Variants in C4orf36 observed in about 807,000 individuals in gnomAD.
C4orf36 encodes uncharacterized protein C4orf36.
A neutral mutation model predicts 12.2 loss-of-function variants in C4orf36; 11 were observed. The ratio of observed to expected loss-of-function variants is 0.90; its 90% CI spans 0.57 to 1.49. The LOEUF is 1.49. Among genes scored for constraint, C4orf36 ranks in the 40% most tolerant of loss-of-function variants. The pLI is 0.00. For missense variants in C4orf36, 137 were observed against 133.9 expected, an observed-to-expected ratio of 1.02 and a Z score of -0.11; for synonymous variants, 54 against 51.3, an observed-to-expected ratio of 1.05 and a Z score of -0.22.
the C4orf36 span, chr4:86,932,130 T>G: frequency 6.6e-6 from 1 of 151,696 alleles, no homozygotes; most frequent in African/African-American, 2.4e-5. Flanking sequence ...GCAGATAACC[T>G]GAGGTCCGGA....
upstream of C4orf36, among the ~76,000 whole-genome samples, chr4:86,895,095 T>A (rs1747560314): frequency 6.6e-6 from 1 of 152,170 alleles, no homozygotes; most frequent in African/African-American, 2.4e-5. Context: ...GAGGATCACT[T>A]GAGCCTGGGA....
the C4orf36 span, among the ~76,000 whole-genome samples, chr4:86,902,418 C>CAAAAAAAAAAAAAAAAAAAAAAAAAA: frequency 1.7e-5 from 1 of 58,958 alleles, no homozygotes; most frequent in Non-Finnish European, 2.8e-5. Context: ...ATGAGACTCT[C>CAAAAAAAAAAAAAAAAAAAAAAAAAA]AAAAAAAAAA....
At chr4:86,896,813 A>G (rs1183691375), upstream of C4orf36, among the ~76,000 whole-genome samples, 2 of 152,206 alleles carry the variant, frequency 1.3e-5, no homozygotes, top group East Asian at 3.8e-4. Flanking sequence ...AAATTTCAAC[A>G]TAACCAAAAT....
chr4:86,877,043 A>G (rs1374934), intron 4 of C4orf36, among the ~76,000 whole-genome samples: 139,237 of 152,234 alleles, frequency 0.91, 64,672 homozygotes, highest in Non-Finnish European at 1. Context: ...TAGTGACAGT[A>G]ACCCTAAAAA....
chr4:86,903,587 G>A, the C4orf36 span, among the ~76,000 whole-genome samples: 1,210 of 152,300 alleles, frequency 7.9e-3, 9 homozygotes, highest in Non-Finnish European at 0.013. Context: ...AGGTGGCGCA[G>A]GCCCAAAGAG....
intron 3 of C4orf36, 90 bp from the exon 4 acceptor site, chr4:86,887,983 A>G (rs1378356546): frequency 1.9e-6 from 3 of 1,556,726 alleles, no homozygotes; most frequent in Non-Finnish European, 2.6e-6. Context: ...CAAAATCCAT[A>G]TGCCTGAATA....
At chr4:86,902,734 C>T in the C4orf36 span, among the ~76,000 whole-genome samples, 3 of 152,304 alleles carry the variant, frequency 2.0e-5, no homozygotes, top group African/African-American at 7.2e-5. Context: ...GCTTCTGACA[C>T]CTGTGCTGAC....
chr4:86,876,751 G>A (rs1578771769), intron 4 of C4orf36: 1 of 1,480,680 alleles, frequency 6.8e-7, no homozygotes, highest in Non-Finnish European at 9.0e-7. Flanking sequence ...TTGCATCCAA[G>A]TAAAATTAAA....
At chr4:86,896,865 C>G (rs1747602350), upstream of C4orf36, among the ~76,000 whole-genome samples, 1 of 152,172 alleles carries the variant, frequency 6.6e-6, no homozygotes, top group Admixed American at 6.5e-5. Context: ...CTCTGTCTAT[C>G]TTTTCTATTT....
the C4orf36 span, among the ~76,000 whole-genome samples, chr4:86,909,282 C>G: frequency 1.3e-5 from 2 of 152,188 alleles, no homozygotes; most frequent in Non-Finnish European, 2.9e-5. Context: ...CAACACTTGG[C>G]TGAAGGTGTC....
intron 4 of C4orf36, among the ~76,000 whole-genome samples, chr4:86,877,395 GA>G (rs1172164924): frequency 6.6e-6 from 1 of 152,226 alleles, no homozygotes; most frequent in Non-Finnish European, 1.5e-5. Flanking sequence ...AGAAAGAGTA[GA>G]GTGGGTAATC....
intron 4 of C4orf36, 176 bp from the exon 5 acceptor site, chr4:86,876,619 T>G: frequency 1.2e-6 from 2 of 1,613,870 alleles, no homozygotes; most frequent in South Asian, 1.1e-5. Flanking sequence ...AGTTCTTCAA[T>G]GAACCAGAAG....
the C4orf36 span, among the ~76,000 whole-genome samples, chr4:86,902,455 GA>G: frequency 1.5e-5 from 2 of 129,844 alleles, no homozygotes; most frequent in South Asian, 2.5e-4. Context: ...AAGAAAGAAA[GA>G]AAAAAAAGGG....
chr4:86,880,579 T>G (rs1403161358), intron 4 of C4orf36, among the ~76,000 whole-genome samples: 4 of 152,020 alleles, frequency 2.6e-5, no homozygotes, highest in African/African-American at 9.7e-5. Context: ...AAAAAGAAAT[T>G]AAAACTTTCC....
the C4orf36 span, among the ~76,000 whole-genome samples, chr4:86,903,951 GAC>G: frequency 6.6e-6 from 1 of 152,160 alleles, no homozygotes; most frequent in East Asian, 1.9e-4. Flanking sequence ...CCTTTAGCTA[GAC>G]ACAGAGCGCT....
At chr4:86,885,012 C>T (rs1275120996) in intron 4 of C4orf36, among the ~76,000 whole-genome samples, 4 of 152,152 alleles carry the variant, frequency 2.6e-5, no homozygotes, top group Non-Finnish European at 5.9e-5. Context: ...CAGATAGTTG[C>T]AGATGTGTGG....
At chr4:86,907,893 G>A in the C4orf36 span, among the ~76,000 whole-genome samples, 3 of 151,066 alleles carry the variant, frequency 2.0e-5, no homozygotes, top group East Asian at 3.9e-4. Context: ...TGCTTGACCC[G>A]AGGAGCAGAG....
At chr4:86,879,322 T>C (rs768456199) in intron 4 of C4orf36, among the ~76,000 whole-genome samples, 1 of 152,154 alleles carries the variant, frequency 6.6e-6, no homozygotes, top group Non-Finnish European at 1.5e-5. Flanking sequence ...AAATGATACA[T>C]GTACAAAATG....
chr4:86,930,310 G>A, the C4orf36 span, among the ~76,000 whole-genome samples: 1 of 152,254 alleles, frequency 6.6e-6, no homozygotes, highest in African/African-American at 2.4e-5. Flanking sequence ...ATTTCACACT[G>A]ATAGACACTA....
Sources: gnomAD v4.1 joint callset for allele counts (sites outside exome capture counted in the v4.1 genomes callset) on GRCh38, gnomAD v4.1.1 for gene constraint, MANE v1.5 for transcripts, NCBI Gene and HGNC (gene_info 2026-07-23, HGNC 2026-07-21) for gene names.